LOXHD1: variants seen among roughly 807,000 people sequenced by gnomAD.
LOXHD1 encodes the protein lipoxygenase homology domain-containing protein 1.
A neutral mutation model predicts 248.2 loss-of-function variants in LOXHD1; 205 were observed. The ratio of observed to expected loss-of-function variants is 0.83; its 90% CI spans 0.74 to 0.93. The LOEUF is 0.93. LOXHD1 is among the 40% of genes least tolerant of loss of function. LOXHD1 has a pLI of 0.00. For missense variants in LOXHD1, 2,930 were observed against 2,971.6 expected, an observed-to-expected ratio of 0.99 and a Z score of 0.33; for synonymous variants, 1,113 against 1,162.8, an observed-to-expected ratio of 0.96 and a Z score of 0.87.
chr18:46,648,350 G>A (rs2039059871), intron 2 of LOXHD1, among the ~76,000 whole-genome samples: 1 of 152,182 alleles, frequency 6.6e-6, no homozygotes, highest in African/African-American at 2.4e-5. Context: ...AAAGCTCCAT[G>A]ACTCTGAGCT....
At chr18:46,643,570 G>A (rs1322178662) in intron 2 of LOXHD1, among the ~76,000 whole-genome samples, 1 of 152,142 alleles carries the variant, frequency 6.6e-6, no homozygotes, top group African/African-American at 2.4e-5. Flanking sequence ...ACTTTCAAAG[G>A]AGAATAACAA....
chr18:46,613,107 T>G (rs1399094328), intron 5 of LOXHD1, among the ~76,000 whole-genome samples: 6 of 152,134 alleles, frequency 3.9e-5, no homozygotes, highest in Non-Finnish European at 5.9e-5. Flanking sequence ...TACATGAATA[T>G]TAGTAGCAAT....
chr18:46,489,078 G>A lies in LOXHD1; in HGVS notation c.5943C>T (p.Phe1981=), dbSNP rs1442351229. ...AGAGCCAGCAGTCACACTGGAAGTG[G>A]AAGGTCTCGTCGCGGGAGTTGTCCT... ...DVKDNSRDET[F]HFQCDCWLSK... Residue 1981 remains phenylalanine, a synonymous_variant, in exon 38 of 41, where the codon TTC becomes TTT. Coordinates refer to ENST00000642948, the MANE Select transcript of LOXHD1 (RefSeq NM_001384474.1). 5.2e-6 allele frequency: 8 copies of A among 1,551,612 alleles called. No individual in the cohort carries two copies. Among genetic ancestry groups the A allele is most frequent in the Non-Finnish European group, 7.0e-6 (8 of 1,147,010 alleles).
chr18:46,639,643 T>C lies in LOXHD1; in HGVS notation c.484A>G (p.Ser162Gly), dbSNP rs1367753266. The change falls in exon 4 of 41, where the codon AGC (serine) becomes GGC (glycine). Residue 162 changes from serine (S) to glycine (G), a missense_variant. Ser to Gly is a moderately conservative substitution (Grantham distance 56). Transcript: ENST00000642948. The stretch of plus-strand genomic sequence containing the variant: ...CTGGGCATGTCCATGGGGTTGAAGC[T>C]GGCCAGCAGGTCACGGCACCACTGG... ...DRQWCRDLLA[S>G]FNPMDMPRGN... is the part of the protein sequence containing the mutation. The C allele has an allele frequency of 3.2e-6, 5 of 1,551,736 alleles. No individual in the cohort carries two copies. Among genetic ancestry groups the C allele is most frequent in the Non-Finnish European group, 4.4e-6 (5 of 1,146,984 alleles).
At chr18:46,653,278 A>G (rs758462027) in intron 1 of LOXHD1, among the ~76,000 whole-genome samples, 2 of 152,148 alleles carry the variant, frequency 1.3e-5, no homozygotes, top group African/African-American at 2.4e-5. Flanking sequence ...GAAAAAGACT[A>G]ATCTATGATG....
In LOXHD1 at chr18:46,521,151, G is replaced by C. The variant is rs926173298; in HGVS notation, c.5217C>G (p.Ile1739Met). 1.3e-6 allele frequency: 2 copies of C among 1,551,620 alleles called. No individual in the cohort carries two copies. Among genetic ancestry groups the C allele is most frequent in the African/African-American group, 1.4e-5 (1 of 73,064 alleles). Residue 1739 changes from isoleucine (I) to methionine (M), a missense_variant, in exon 33 of 41, where the codon ATC becomes ATG. Physicochemically the swap from Ile to Met is conservative, Grantham distance 10. Transcript: ENST00000642948. ...CWLAKDRGDGITSRVFDLLDA... is the reference protein window; with the variant it reads ...CWLAKDRGDGMTSRVFDLLDA... ...CCAAGAGGTCGAAGACACGGGAGGTGATGCCGTCGCCTCTGTCCTTGGCCA... is the reference window on the plus strand; with the variant it reads ...CCAAGAGGTCGAAGACACGGGAGGTCATGCCGTCGCCTCTGTCCTTGGCCA...
At chr18:46,569,317 TACCC>T in intron 16 of LOXHD1, 121 bp downstream of exon 16, 1 of 831,024 alleles carries the variant, frequency 1.2e-6, no homozygotes, top group Non-Finnish European at 1.9e-6. Flanking sequence ...AAAATGTGTT[TACCC>T]TTATGTACAT....
intron 29 of LOXHD1, among the ~76,000 whole-genome samples, chr18:46,525,318 G>C (rs1192472265): frequency 6.6e-6 from 1 of 152,308 alleles, no homozygotes; most frequent in East Asian, 1.9e-4. Context: ...AAGTCCAGCT[G>C]TGGCAACCGG....
intron 38 of LOXHD1, among the ~76,000 whole-genome samples, chr18:46,485,784 G>C (rs1208942227): frequency 6.6e-6 from 1 of 152,108 alleles, no homozygotes; most frequent in Non-Finnish European, 1.5e-5. Context: ...CTGCAAAAAA[G>C]AGCCAAAGTA....
At chr18:46,522,385 G>A in intron 31 of LOXHD1, 76 bp from the exon 32 acceptor site, 1 of 1,273,794 alleles carries the variant, frequency 7.9e-7, no homozygotes, top group Non-Finnish European at 1.1e-6. Flanking sequence ...CACAGATTTG[G>A]AAGTGACCTC....
intron 37 of LOXHD1, 111 bp from the exon 38 acceptor site, chr18:46,489,253 C>T: frequency 8.9e-7 from 1 of 1,123,024 alleles, no homozygotes; most frequent in Non-Finnish European, 1.3e-6. Context: ...AGTTATCTGT[C>T]CTCTTTGGGC....
chr18:46,582,334 T>A (rs531863644), intron 12 of LOXHD1, among the ~76,000 whole-genome samples: 26 of 152,154 alleles, frequency 1.7e-4, no homozygotes, highest in African/African-American at 6.3e-4. Context: ...ACTGAAATTG[T>A]TAATATTAAT....
chr18:46,510,898 G>GT (rs1465594272), intron 34 of LOXHD1, among the ~76,000 whole-genome samples: 1 of 152,202 alleles, frequency 6.6e-6, no homozygotes, highest in Non-Finnish European at 1.5e-5. Context: ...AATGGAAACT[G>GT]TAAGGAGGTG....
In LOXHD1 at chr18:46,518,167, C is replaced by T. The variant is rs769253595; in HGVS notation, c.5361G>A (p.Gly1787=). 2 of 1,551,556 alleles carry T rather than the reference C, an allele frequency of 1.3e-6. No homozygotes were observed. Among genetic ancestry groups the T allele is most frequent in the Non-Finnish European group, 1.7e-6 (2 of 1,146,998 alleles). ...NIFMTLYGIN[G]STEEMQLDKK... is the part of the protein sequence containing the mutation. ...TGTCCAGCTGCATCTCCTCTGTGCT[C>T]CCGTTGATGCCGTAGAGGGTCATGA... is the stretch of plus-strand genomic sequence containing the variant. The change falls in exon 34 of 41, where the codon GGG becomes GGA. Residue 1787 remains glycine, a synonymous_variant. Coordinates refer to ENST00000642948, the MANE Select transcript of LOXHD1 (RefSeq NM_001384474.1).
Position 46,634,781 on chromosome 18 carries a change from C to T in LOXHD1, c.511+4835G>A, listed in dbSNP as rs579973. ...AAAGTAGAATAGAGTTTACCAGGATCTCAGGGGTGGGGAACAATGGAGAGT... is the reference window on the plus strand; with the variant it reads ...AAAGTAGAATAGAGTTTACCAGGATTTCAGGGGTGGGGAACAATGGAGAGT... On this transcript the variant is annotated intron_variant, in intron 4 of 40. Transcript: ENST00000642948. Among the ~76,000 whole-genome samples, 13 of 152,258 alleles carry T rather than the reference C, an allele frequency of 8.5e-5. No individual in the cohort carries two copies. The East Asian group carries it at 1.9e-3, about 23-fold the overall frequency.
intron 5 of LOXHD1, among the ~76,000 whole-genome samples, chr18:46,614,420 G>C (rs935830626): frequency 6.6e-6 from 1 of 151,704 alleles, no homozygotes; most frequent in Non-Finnish European, 1.5e-5. Flanking sequence ...TCCTTTTTAC[G>C]GACGTGGATG....
rs2034260121 is a variant in LOXHD1, at chr18:46,501,987, T to A, written c.5878+3851A>T. On this transcript the variant is annotated intron_variant, in intron 37 of 40. Transcript: ENST00000642948. ...GACTTTTTCATCTCCCCTTTCTTTC[T>A]CCCTGTTACATACAGTGGCTTAAAT... 3.3e-5 allele frequency among the ~76,000 whole-genome samples: 5 copies of A among 152,186 alleles called. No homozygotes were observed. In the South Asian group the frequency reaches 1.0e-3, roughly 32 times the overall value.
chr18:46,489,696 C>T (rs1010863926), intron 37 of LOXHD1, among the ~76,000 whole-genome samples: 14 of 152,210 alleles, frequency 9.2e-5, no homozygotes, highest in African/African-American at 3.1e-4. Flanking sequence ...CTATAGCCCC[C>T]TGCATCTGCC....
chr18:46,536,553 T>C (rs114324839), intron 26 of LOXHD1, among the ~76,000 whole-genome samples: 2,548 of 152,276 alleles, frequency 0.017, 72 homozygotes, highest in African/African-American at 0.058. Context: ...TAGCTGTCTA[T>C]TAGTGGGGAC....
Sources: gnomAD v4.1 joint callset for allele counts (sites outside exome capture counted in the v4.1 genomes callset) on GRCh38, gnomAD v4.1.1 for gene constraint, MANE v1.5 for transcripts, NCBI Gene and HGNC (gene_info 2026-07-23, HGNC 2026-07-21) for gene names.